The following CAMTA1 variants were observed in gnomAD, a reference collection of about 807,000 sequenced individuals.
CAMTA1 encodes calmodulin binding transcription activator 1.
A neutral mutation model predicts 170.9 loss-of-function variants in CAMTA1; 27 were observed. The ratio of observed to expected loss-of-function variants is 0.16; its 90% CI spans 0.12 to 0.22. The LOEUF is 0.22. Among genes scored for constraint, CAMTA1 ranks in the 10% least tolerant of loss-of-function variants. The pLI is 1.00. For missense variants in CAMTA1, 1,619 were observed against 2,217.2 expected (o/e 0.73, Z 5.42); for synonymous variants, 833 against 891.5 (o/e 0.93, Z 1.17).
At position 7,470,288 on chromosome 1, in the gene CAMTA1, C is replaced by T. The variant is rs191897736; in HGVS notation, c.510+2387C>T. On this transcript the variant is annotated intron_variant, in intron 6 of 22. Transcript: ENST00000303635. Reference sequence around the variant, plus strand: ...CAATTAGCACAATGCACGCCCTGCTCGGAGCCCAGAGCCTATGTGGCAGCC... The same window carrying T: ...CAATTAGCACAATGCACGCCCTGCTTGGAGCCCAGAGCCTATGTGGCAGCC... Among the ~76,000 whole-genome samples, 453 of 152,360 alleles carry T rather than the reference C, an allele frequency of 3.0e-3. 4 individuals carry two copies. Among genetic ancestry groups the T allele is most frequent in the Admixed American group, 0.028 (429 of 15,310 alleles).
At chr1:7,079,065 C>A (rs935266767) in intron 3 of CAMTA1, among the ~76,000 whole-genome samples, 1 of 152,206 alleles carries the variant, frequency 6.6e-6, no homozygotes, top group African/African-American at 2.4e-5. Context: ...ATAAAATTCA[C>A]AGAGCTCATA....
At chr1:7,133,915 G>T (rs1177020453) in intron 4 of CAMTA1, among the ~76,000 whole-genome samples, 2 of 152,198 alleles carry the variant, frequency 1.3e-5, no homozygotes, top group Admixed American at 1.3e-4. Context: ...GTCAACTCTT[G>T]ATTTAGATAC....
At chr1:7,645,696 C>T (rs1282271544) in intron 7 of CAMTA1, among the ~76,000 whole-genome samples, 6 of 152,394 alleles carry the variant, frequency 3.9e-5, no homozygotes, top group East Asian at 1.9e-4. Context: ...CCCAGAGCTC[C>T]GCTGGCATCA....
rs537711757 is a variant in CAMTA1 at position 7,503,445 on chromosome 1, T to G, written c.510+35544T>G. The stretch of plus-strand genomic sequence containing the variant: ...TACAGCCAGCCCAGGTAGAGGACCA[T>G]GGAGTTGGCCTGGGTCTCCCTCTGG... On this transcript the variant is annotated intron_variant, in intron 6 of 22. Coordinates refer to ENST00000303635, the MANE Select transcript of CAMTA1 (RefSeq NM_015215.4). 2.6e-5 allele frequency among the ~76,000 whole-genome samples: 4 copies of G among 152,262 alleles called. No homozygotes were observed. The South Asian group carries it at 8.3e-4, about 32-fold the overall frequency.
chr1:7,579,552 C>CTTTCTTTCTTTTTTTTTTTTTTTTT (rs1436192966), intron 6 of CAMTA1, among the ~76,000 whole-genome samples: 6 of 79,194 alleles, frequency 7.6e-5, no homozygotes, highest in African/African-American at 3.5e-4. Context: ...CTTTTCTTTT[C>CTTTCTTTCTTTTTTTTTTTTTTTTT]TTTTTTTTTT....
chr1:7,188,004 G>A (rs1446490612), intron 4 of CAMTA1, among the ~76,000 whole-genome samples: 1 of 152,196 alleles, frequency 6.6e-6, no homozygotes, highest in East Asian at 1.9e-4. Flanking sequence ...GAGGCCTCAG[G>A]AAACTTACAA....
chr1:7,070,321 G>A (rs1463737846), intron 3 of CAMTA1, among the ~76,000 whole-genome samples: 2 of 152,224 alleles, frequency 1.3e-5, no homozygotes, highest in Non-Finnish European at 2.9e-5. Flanking sequence ...GAAGGAGCCT[G>A]AATATGCAGC....
chr1:7,536,269 A>T (rs1248062826), intron 6 of CAMTA1, among the ~76,000 whole-genome samples: 1 of 152,206 alleles, frequency 6.6e-6, no homozygotes, highest in Non-Finnish European at 1.5e-5. Flanking sequence ...GGAGATTCTC[A>T]TGCAAAATAA....
chr1:7,664,146 G>A lies in CAMTA1; in HGVS notation c.1599G>A (p.Lys533=). The change falls in exon 9 of 23, where the codon AAG becomes AAA. Residue 533 remains lysine, a synonymous_variant. Transcript: ENST00000303635. ...SFTTVLTKEI[K]TEDTSFEQQM... ...CCACCGTCCTCACCAAGGAGATCAAGACCGAGGACACCTCCTTCGAGCAGC... is the reference window on the plus strand; with the variant it reads ...CCACCGTCCTCACCAAGGAGATCAAAACCGAGGACACCTCCTTCGAGCAGC... 1 of 1,613,172 alleles carries A rather than the reference G, an allele frequency of 6.2e-7. No homozygotes were observed. Among genetic ancestry groups the A allele is most frequent in the African/African-American group, 1.3e-5 (1 of 75,056 alleles).
At chr1:6,959,838 C>T (rs1242368800) in intron 3 of CAMTA1, among the ~76,000 whole-genome samples, 1 of 152,072 alleles carries the variant, frequency 6.6e-6, no homozygotes, top group African/African-American at 2.4e-5. Context: ...TCTGCAGCAC[C>T]CCTTCTGCAT....
chr1:7,138,490 A>C (rs1645674432), intron 4 of CAMTA1, among the ~76,000 whole-genome samples: 1 of 152,226 alleles, frequency 6.6e-6, no homozygotes, highest in Admixed American at 6.5e-5. Flanking sequence ...GCTAATTTTG[A>C]AAAATTCAAA....
intron 6 of CAMTA1, among the ~76,000 whole-genome samples, chr1:7,552,602 G>A (rs894990533): frequency 1.3e-5 from 2 of 152,238 alleles, no homozygotes; most frequent in Non-Finnish European, 2.9e-5. Context: ...GCCACTGTGA[G>A]CCCTGTCCAT....
chr1:6,839,096 A>G (rs1388875362), intron 3 of CAMTA1, among the ~76,000 whole-genome samples: 2 of 151,714 alleles, frequency 1.3e-5, no homozygotes, highest in Non-Finnish European at 2.9e-5. Context: ...GTTCCATTTA[A>G]TTTTGGCTGG....
At chr1:7,243,220 C>T (rs1165491958) in intron 4 of CAMTA1, among the ~76,000 whole-genome samples, 3 of 152,136 alleles carry the variant, frequency 2.0e-5, no homozygotes, top group Non-Finnish European at 4.4e-5. Context: ...TTTGGCTATT[C>T]TTAGTGCTTC....
rs113853480 is a variant in CAMTA1, at chr1:7,675,269, G to A, written c.2780-2330G>A. Among the ~76,000 whole-genome samples, 765 of 152,322 alleles carry A rather than the reference G, an allele frequency of 5.0e-3. 7 individuals are homozygous for A. The highest frequency in any genetic ancestry group is 0.016 in the African/African-American group (679 of 41,564). ...GGCTGCAGGATAGTGAGTGGGGTAC[G>A]GGGAGCTGAATACAGTAAGACTGGA... On this transcript the variant is annotated intron_variant, in intron 10 of 22. Coordinates refer to ENST00000303635, the MANE Select transcript of CAMTA1 (RefSeq NM_015215.4).
At chr1:7,398,340 T>G (rs2089606283) in intron 5 of CAMTA1, among the ~76,000 whole-genome samples, 1 of 150,890 alleles carries the variant, frequency 6.6e-6, no homozygotes, top group African/African-American at 2.4e-5. Flanking sequence ...AGCGAGTGTC[T>G]TTTTCTCTTT....
intron 5 of CAMTA1, among the ~76,000 whole-genome samples, chr1:7,320,618 C>T (rs1409511177): frequency 6.8e-6 from 1 of 146,684 alleles, no homozygotes; most frequent in African/African-American, 2.5e-5. Context: ...TGGCTGTCAT[C>T]TCCACTATCC....
At chr1:6,954,716 C>T (rs1056670205) in intron 3 of CAMTA1, among the ~76,000 whole-genome samples, 11 of 152,148 alleles carry the variant, frequency 7.2e-5, no homozygotes, top group South Asian at 2.1e-4. Context: ...CCTCAAGGAC[C>T]GCGAGTGCCT....
In CAMTA1 at chr1:7,592,733, A is replaced by G. The variant is rs930697854; in HGVS notation, c.511-47667A>G. Reference sequence around the variant, plus strand: ...GACACACAGTGTCCTCATGGAGTCAACCAGCATCTCCTGCATCCTCTACCT... The same window carrying G: ...GACACACAGTGTCCTCATGGAGTCAGCCAGCATCTCCTGCATCCTCTACCT... On this transcript the variant is annotated intron_variant, in intron 6 of 22. Coordinates refer to ENST00000303635, the MANE Select transcript of CAMTA1 (RefSeq NM_015215.4). This position sits in a 1 kb window ranked among gnomAD's most constrained non-coding sequence, Gnocchi z 4.6. 7.9e-5 allele frequency among the ~76,000 whole-genome samples: 12 copies of G among 152,114 alleles called. No individual in the cohort carries two copies. The highest frequency in any genetic ancestry group is 1.9e-4 in the African/African-American group (8 of 41,416).
Sources: allele counts gnomAD v4.1 joint callset (sites outside exome capture counted in the v4.1 genomes callset), GRCh38; gene constraint gnomAD v4.1.1; non-coding constraint Gnocchi (gnomAD v3.1); transcripts MANE v1.5; gene names NCBI Gene and HGNC (gene_info 2026-07-23, HGNC 2026-07-21).